Variants in ADAMTSL3 observed in about 807,000 individuals in gnomAD.
ADAMTSL3 encodes the protein ADAMTS like 3.
A neutral mutation model predicts 201.7 loss-of-function variants in ADAMTSL3; 128 were observed. The observed-to-expected ratio is 0.63, with a 90% CI of 0.55 to 0.73. ADAMTSL3 has a LOEUF of 0.73. Ranked by LOEUF, ADAMTSL3 falls within the 30% of genes least tolerant of loss-of-function variation. The probability of loss-of-function intolerance (pLI) is 0.00; values close to 1 mark genes in which losing one functional copy is unlikely to be tolerated. For synonymous variants in ADAMTSL3, 738 were observed against 748.4 expected, an observed-to-expected ratio of 0.99 and a Z score of 0.23; for missense variants, 1,990 against 2,119.6, an observed-to-expected ratio of 0.94 and a Z score of 1.20.
intron 6 of ADAMTSL3, among the ~76,000 whole-genome samples, chr15:83,821,214 C>T (rs971139946): frequency 6.6e-6 from 1 of 150,976 alleles, no homozygotes; most frequent in Non-Finnish European, 1.5e-5. Flanking sequence ...TTATTTTATT[C>T]TTTCCTTTCA....
chr15:83,720,173 C>T (rs1181281740), intron 3 of ADAMTSL3, among the ~76,000 whole-genome samples: 2 of 152,150 alleles, frequency 1.3e-5, no homozygotes, highest in African/African-American at 4.8e-5. Context: ...GAGCAGAAAT[C>T]ATACCACTGC....
intron 11 of ADAMTSL3, among the ~76,000 whole-genome samples, chr15:83,890,449 C>G (rs1411489578): frequency 6.6e-6 from 1 of 152,176 alleles, no homozygotes; most frequent in Non-Finnish European, 1.5e-5. Context: ...TTTCTCTTGT[C>G]GTGGGCTATG....
intron 3 of ADAMTSL3, among the ~76,000 whole-genome samples, chr15:83,749,476 A>G (rs1235865306): frequency 6.6e-6 from 1 of 152,218 alleles, no homozygotes; most frequent in African/African-American, 2.4e-5. Flanking sequence ...AACAGTTCTG[A>G]TGAGCTGTGA....
At chr15:84,002,500 AG>A (rs2067808774) in intron 23 of ADAMTSL3, among the ~76,000 whole-genome samples, 1 of 152,192 alleles carries the variant, frequency 6.6e-6, no homozygotes, top group African/African-American at 2.4e-5. Flanking sequence ...CTGACCCAAA[AG>A]GCCCCATATA....
intron 14 of ADAMTSL3, among the ~76,000 whole-genome samples, chr15:83,899,031 G>A (rs2065672581): frequency 1.3e-5 from 2 of 152,006 alleles, no homozygotes. Flanking sequence ...TTTCCTTGAA[G>A]CACCCTAAAG....
At chr15:83,655,900 A>G in intron 2 of ADAMTSL3, 70 bp downstream of exon 2, 1 of 1,458,266 alleles carries the variant, frequency 6.9e-7, no homozygotes, top group South Asian at 1.2e-5. Flanking sequence ...ATTATTGTAT[A>G]CCACCTAAGA....
chr15:83,728,788 C>T (rs75305038), intron 3 of ADAMTSL3, among the ~76,000 whole-genome samples: 10,389 of 151,940 alleles, frequency 0.068, 566 homozygotes, highest in Admixed American at 0.17. Flanking sequence ...GTTTATGTGC[C>T]ACAATTACAG....
intron 23 of ADAMTSL3, among the ~76,000 whole-genome samples, chr15:84,003,440 T>A (rs2067835684): frequency 6.6e-6 from 1 of 152,160 alleles, no homozygotes; most frequent in African/African-American, 2.4e-5. Context: ...CTTTCCTCAG[T>A]GATCTTCTGA....
chr15:83,850,078 A>G lies in ADAMTSL3; in HGVS notation c.728-8688A>G, dbSNP rs150574147. Among the ~76,000 whole-genome samples, 58 of 152,038 alleles carry G rather than the reference A, an allele frequency of 3.8e-4. No individual in the cohort carries two copies. In the East Asian group the frequency reaches 9.1e-3, roughly 24 times the overall value. On this transcript the variant is annotated intron_variant, in intron 7 of 29. Coordinates refer to ENST00000286744, the MANE Select transcript of ADAMTSL3 (RefSeq NM_207517.3). ...GCACCATAATACAAAAACTGATTCTATGCAACGCTCCAAGGAAGATTAGAA... is the reference window on the plus strand; with the variant it reads ...GCACCATAATACAAAAACTGATTCTGTGCAACGCTCCAAGGAAGATTAGAA...
intron 6 of ADAMTSL3, among the ~76,000 whole-genome samples, chr15:83,833,771 C>G (rs149585335): frequency 6.6e-6 from 1 of 152,108 alleles, no homozygotes; most frequent in African/African-American, 2.4e-5. Context: ...ACATACTGCC[C>G]CAGAGAGAAA....
chr15:83,692,266 T>C (rs895777801), intron 2 of ADAMTSL3, among the ~76,000 whole-genome samples: 10 of 147,280 alleles, frequency 6.8e-5, no homozygotes, highest in African/African-American at 2.4e-4. Context: ...AAGTCTTTAA[T>C]ATGTTCTGCT....
chr15:83,854,090 C>T (rs1039617601), intron 7 of ADAMTSL3, among the ~76,000 whole-genome samples: 2 of 152,128 alleles, frequency 1.3e-5, no homozygotes, highest in East Asian at 1.9e-4. Context: ...CTCACTAGTA[C>T]ACCTAAAAAA....
intron 19 of ADAMTSL3, among the ~76,000 whole-genome samples, chr15:83,954,461 T>C (rs946288937): frequency 3.9e-5 from 6 of 152,250 alleles, no homozygotes; most frequent in African/African-American, 1.4e-4. Flanking sequence ...TGTTTGAGTT[T>C]CCTCAAAATG....
chr15:83,942,459 G>C, intron 17 of ADAMTSL3, 137 bp from the exon 18 acceptor site: 2 of 692,626 alleles, frequency 2.9e-6, no homozygotes, highest in Non-Finnish European at 4.7e-6. Context: ...TATTGATGGA[G>C]ATGCTGTGAC....
chr15:83,825,289 G>A (rs1052156081), intron 6 of ADAMTSL3, among the ~76,000 whole-genome samples: 2 of 152,120 alleles, frequency 1.3e-5, no homozygotes, highest in Admixed American at 6.5e-5. Context: ...ATCATGCATT[G>A]TTTTTATAAT....
chr15:83,949,038 T>A (rs1226997044), intron 19 of ADAMTSL3, among the ~76,000 whole-genome samples: 3 of 152,124 alleles, frequency 2.0e-5, no homozygotes, highest in Admixed American at 2.0e-4. Context: ...TTTAATTATT[T>A]TAAAAATGCA....
intron 6 of ADAMTSL3, among the ~76,000 whole-genome samples, chr15:83,820,952 T>C (rs1363389058): frequency 6.6e-6 from 1 of 152,052 alleles, no homozygotes; most frequent in Non-Finnish European, 1.5e-5. Context: ...TGTGTGCCTG[T>C]AATTCCAGCT....
chr15:83,914,847 GGTT>G (rs752260507), intron 16 of ADAMTSL3, among the ~76,000 whole-genome samples: 1 of 73,490 alleles, frequency 1.4e-5, no homozygotes, highest in Non-Finnish European at 2.7e-5. Flanking sequence ...TTGTTTGTTT[GGTT>G]TTGTTTGTTT....
At chr15:83,889,107 T>C (rs953489305) in intron 10 of ADAMTSL3, among the ~76,000 whole-genome samples, 1 of 152,228 alleles carries the variant, frequency 6.6e-6, no homozygotes, top group South Asian at 2.1e-4. Context: ...TGTGACTTGC[T>C]TTTTAAATTT....
Sources: allele counts gnomAD v4.1 joint callset (sites outside exome capture counted in the v4.1 genomes callset), GRCh38; gene constraint gnomAD v4.1.1; transcripts MANE v1.5; gene names NCBI Gene and HGNC (gene_info 2026-07-23, HGNC 2026-07-21).